Variants in INPP4A observed in about 807,000 individuals in gnomAD.
INPP4A encodes inositol polyphosphate-4-phosphatase, type I, 107kD.
A neutral mutation model predicts 119.8 loss-of-function variants in INPP4A; 33 were observed. The observed-to-expected ratio is 0.28, with a 90% CI of 0.21 to 0.37. The LOEUF is 0.37. Ranked by LOEUF, INPP4A falls within the 10% of genes least tolerant of loss-of-function variation. INPP4A has a pLI of 1.00. For synonymous variants in INPP4A, 496 were observed against 500.7 expected, an observed-to-expected ratio of 0.99 and a Z score of 0.12; for missense variants, 956 against 1,289.9, an observed-to-expected ratio of 0.74 and a Z score of 3.97.
chr2:98,471,816 G>A (rs372424377), intron 1 of INPP4A, among the ~76,000 whole-genome samples: 69 of 152,334 alleles, frequency 4.5e-4, no homozygotes, highest in African/African-American at 1.5e-3. Flanking sequence ...AGACAGCACC[G>A]TGGAGTTCGG....
At position 98,577,174 on chromosome 2, in the gene INPP4A, C is replaced by G. The variant is rs1412686920; in HGVS notation, c.2786+31C>G. The G allele has an allele frequency of 3.2e-6, 5 of 1,549,510 alleles. No homozygotes were observed. The East Asian group carries it at 9.6e-5, about 30-fold the overall frequency. ...TGCCGCAGCCAGGCCGCGCGCCCCG[C>G]CTGCCCCGGCCCGTGTAAACTGCAG... On this transcript the variant is annotated intron_variant, in intron 24 of 24. Transcript: ENST00000409851.
At chr2:98,500,180 C>T (rs1682830980) in intron 1 of INPP4A, among the ~76,000 whole-genome samples, 1 of 152,050 alleles carries the variant, frequency 6.6e-6, no homozygotes, top group Admixed American at 6.5e-5. Flanking sequence ...TATACAGAGT[C>T]CTCACGCATG....
chr2:98,538,609 C>A (rs867445177), intron 8 of INPP4A, among the ~76,000 whole-genome samples: 1 of 152,358 alleles, frequency 6.6e-6, no homozygotes, highest in East Asian at 1.9e-4. Flanking sequence ...CCCTTGGCAT[C>A]ATCTATTCTC....
At chr2:98,536,560 C>A (rs927619873) in intron 7 of INPP4A, among the ~76,000 whole-genome samples, 1 of 152,084 alleles carries the variant, frequency 6.6e-6, no homozygotes, top group African/African-American at 2.4e-5. Context: ...ACTGCTATTT[C>A]CCAGACACCT....
At chr2:98,560,696 C>T (rs767976745) in intron 17 of INPP4A, among the ~76,000 whole-genome samples, 13 of 152,256 alleles carry the variant, frequency 8.5e-5, no homozygotes, top group Non-Finnish European at 1.8e-4. Flanking sequence ...CTGACCTCCA[C>T]GGCAGGCCAG....
intron 2 of INPP4A, 89 bp from the exon 3 acceptor site, chr2:98,519,856 GC>G: frequency 5.2e-6 from 3 of 576,854 alleles, no homozygotes; most frequent in Non-Finnish European, 6.4e-6. Flanking sequence ...ACTGTACCTC[GC>G]CCCCGGTAGG....
At chr2:98,462,187 G>A (rs1028420446) in intron 1 of INPP4A, among the ~76,000 whole-genome samples, 4 of 152,212 alleles carry the variant, frequency 2.6e-5, no homozygotes, top group Non-Finnish European at 5.9e-5. Flanking sequence ...GGTGGCTCAC[G>A]CCTATGATCC....
intron 4 of INPP4A, among the ~76,000 whole-genome samples, chr2:98,531,309 AT>A (rs1199354217): frequency 6.6e-6 from 1 of 152,228 alleles, no homozygotes; most frequent in Non-Finnish European, 1.5e-5. Flanking sequence ...CCAAATAGAT[AT>A]TCTAGAATTA....
At chr2:98,581,472 C>T (rs1699294381) in intron 24 of INPP4A, 14 of 1,110,678 alleles carry the variant, frequency 1.3e-5, no homozygotes, top group Admixed American at 7.0e-5. Context: ...CTTGTTTATC[C>T]CATCCTTTTT....
At chr2:98,498,422 A>G (rs1421687963) in intron 1 of INPP4A, among the ~76,000 whole-genome samples, 1 of 152,004 alleles carries the variant, frequency 6.6e-6, no homozygotes. Flanking sequence ...CATGGAACTG[A>G]GTCCATTAAA....
At chr2:98,557,162 G>A (rs1204242850) in intron 16 of INPP4A, among the ~76,000 whole-genome samples, 1 of 152,006 alleles carries the variant, frequency 6.6e-6, no homozygotes, top group African/African-American at 2.4e-5. Context: ...ATCCTGTATT[G>A]TTTAAATATA....
chr2:98,541,269 G>GT (rs1691389277), intron 10 of INPP4A, among the ~76,000 whole-genome samples: 1 of 151,692 alleles, frequency 6.6e-6, no homozygotes, highest in East Asian at 1.9e-4. Flanking sequence ...GGAGCTTGCA[G>GT]TGAGCCGAGA....
intron 17 of INPP4A, among the ~76,000 whole-genome samples, chr2:98,559,910 T>C (rs1384882207): frequency 6.6e-6 from 1 of 152,216 alleles, no homozygotes; most frequent in East Asian, 1.9e-4. Flanking sequence ...TAGAAACCAA[T>C]GTTTATGGTT....
intron 23 of INPP4A, among the ~76,000 whole-genome samples, chr2:98,575,477 T>C (rs1203152942): frequency 6.6e-6 from 1 of 152,256 alleles, no homozygotes; most frequent in African/African-American, 2.4e-5. Context: ...CTTTACAAAT[T>C]TGATTAATTT....
At chr2:98,552,758 C>T in intron 13 of INPP4A, 28 bp from the exon 14 acceptor site, 1 of 1,560,794 alleles carries the variant, frequency 6.4e-7, no homozygotes, top group Non-Finnish European at 8.8e-7. Context: ...CTGGAGAATC[C>T]CTTAGAATCC....
chr2:98,527,109 GC>G (rs1480704860), intron 4 of INPP4A, among the ~76,000 whole-genome samples: 1 of 152,156 alleles, frequency 6.6e-6, no homozygotes, highest in Non-Finnish European at 1.5e-5. Context: ...GTTTTAACTT[GC>G]CCTGTTGCTA....
At chr2:98,564,197 G>GT (rs556539710) in intron 18 of INPP4A, among the ~76,000 whole-genome samples, 37 of 152,304 alleles carry the variant, frequency 2.4e-4, no homozygotes, top group Middle Eastern at 3.4e-3. Context: ...GGAGAGTCCT[G>GT]TTTCATCCCA....
At chr2:98,501,604 A>G (rs985351895) in intron 1 of INPP4A, among the ~76,000 whole-genome samples, 1 of 152,176 alleles carries the variant, frequency 6.6e-6, no homozygotes, top group African/African-American at 2.4e-5. Flanking sequence ...ATGGTGGGGC[A>G]GGCCTTGTTT....
intron 1 of INPP4A, among the ~76,000 whole-genome samples, chr2:98,500,828 A>G (rs1459292742): frequency 1.3e-5 from 2 of 152,180 alleles, no homozygotes; most frequent in African/African-American, 4.8e-5. Context: ...ACTGGATTTT[A>G]CAAAGAAGTG....
Sources: gnomAD v4.1 joint callset for allele counts (sites outside exome capture counted in the v4.1 genomes callset) on GRCh38, gnomAD v4.1.1 for gene constraint, MANE v1.5 for transcripts, NCBI Gene and HGNC (gene_info 2026-07-23, HGNC 2026-07-21) for gene names.